The following GAS7 variants were observed in gnomAD, a reference collection of about 807,000 sequenced individuals.
GAS7 encodes the protein growth arrest specific 7.
In GAS7, 28 loss-of-function variants were observed where a neutral mutation model predicts 71.1. The observed-to-expected ratio is 0.39, with a 90% CI of 0.29 to 0.54. The LOEUF (loss-of-function observed/expected upper bound fraction) is 0.54. Ranked by LOEUF, GAS7 falls within the 20% of genes least tolerant of loss-of-function variation. The probability of loss-of-function intolerance (pLI) is 0.62; values close to 1 mark genes in which losing one functional copy is unlikely to be tolerated. For missense variants in GAS7, 436 were observed against 627.8 expected (o/e 0.69, Z 3.27); for synonymous variants, 258 against 245.8 (o/e 1.05, Z -0.46).
At chr17:10,194,213 A>G (rs2074523379) in intron 1 of GAS7, among the ~76,000 whole-genome samples, 1 of 152,232 alleles carries the variant, frequency 6.6e-6, no homozygotes, top group Non-Finnish European at 1.5e-5. Flanking sequence ...GGATTCTAAG[A>G]ATACCACCTA....
rs114409609 is a variant in GAS7, at chr17:9,927,675, C to T, written c.886-906G>A. ...CACTCAGCACAGTGACTGGGGTACGCGGCTTCAGTAAAGAACAGTCGAATG... is the reference window on the plus strand; with the variant it reads ...CACTCAGCACAGTGACTGGGGTACGTGGCTTCAGTAAAGAACAGTCGAATG... On this transcript the variant is annotated intron_variant, in intron 9 of 13. Transcript: ENST00000432992. Among the ~76,000 whole-genome samples the T allele has an allele frequency of 8.5e-3, 1,298 of 152,204 alleles. 20 individuals carry two copies. Among genetic ancestry groups the T allele is most frequent in the African/African-American group, 0.03 (1,242 of 41,530 alleles).
chr17:10,154,946 ACACACACAC>A (rs1434303774), intron 1 of GAS7, among the ~76,000 whole-genome samples: 13 of 151,380 alleles, frequency 8.6e-5, no homozygotes, highest in African/African-American at 2.4e-4. Flanking sequence ...ACACACACAC[ACACACACAC>A]AAAACCCATG....
Position 10,154,268 on chromosome 17 carries a change from G to C in GAS7, c.183+43940C>G, listed in dbSNP as rs2074188164. Among the ~76,000 whole-genome samples, 3 of 152,016 alleles carry C rather than the reference G, an allele frequency of 2.0e-5. No individual in the cohort carries two copies. The South Asian group carries it at 6.2e-4, about 32-fold the overall frequency. ...AATCCAGACAGTTTGGGAGGCCGAG[G>C]CAGGAGGATCACTTGAGCTCAGGAG... is the stretch of plus-strand genomic sequence containing the variant. On this transcript the variant is annotated intron_variant, in intron 1 of 13. Coordinates refer to ENST00000432992, the MANE Select transcript of GAS7 (RefSeq NM_201433.2).
chr17:9,998,632 A>C (rs1031196521), intron 2 of GAS7, among the ~76,000 whole-genome samples: 1 of 151,916 alleles, frequency 6.6e-6, no homozygotes, highest in Non-Finnish European at 1.5e-5. Context: ...ACAGAAAGAA[A>C]AAAAGGCAGA....
chr17:10,151,535 A>AC (rs2142108109), intron 1 of GAS7, among the ~76,000 whole-genome samples: 1 of 152,178 alleles, frequency 6.6e-6, no homozygotes, highest in East Asian at 1.9e-4. Context: ...CAATCTACGT[A>AC]CCTACCTACC....
chr17:10,131,360 C>T (rs574543468), intron 1 of GAS7, among the ~76,000 whole-genome samples: 1 of 152,296 alleles, frequency 6.6e-6, no homozygotes, highest in Middle Eastern at 3.4e-3. Context: ...TGGTGGCTCA[C>T]GCCTGTAATC....
intron 1 of GAS7, among the ~76,000 whole-genome samples, chr17:10,053,460 A>G (rs1185040784): frequency 6.6e-6 from 1 of 152,132 alleles, no homozygotes; most frequent in Non-Finnish European, 1.5e-5. Flanking sequence ...ATTTTAAAGA[A>G]CTGGCATATT....
At chr17:10,102,204 G>T (rs1294196125) in intron 1 of GAS7, among the ~76,000 whole-genome samples, 2 of 51,412 alleles carry the variant, frequency 3.9e-5, no homozygotes, top group African/African-American at 1.8e-4. Flanking sequence ...AAGAGTGCCC[G>T]TAAAAAAAAA....
intron 1 of GAS7, among the ~76,000 whole-genome samples, chr17:10,122,931 G>A (rs1277872958): frequency 6.6e-6 from 1 of 152,058 alleles, no homozygotes; most frequent in Non-Finnish European, 1.5e-5. Flanking sequence ...CCTGGGCTCT[G>A]AGCAATCCTC....
chr17:10,047,809 C>CA (rs2073001036), intron 1 of GAS7, among the ~76,000 whole-genome samples: 1 of 152,072 alleles, frequency 6.6e-6, no homozygotes, highest in Non-Finnish European at 1.5e-5. Flanking sequence ...ACATTTAAAT[C>CA]AGTGACTTGC....
intron 11 of GAS7, among the ~76,000 whole-genome samples, chr17:9,924,296 C>T (rs995349510): frequency 6.6e-6 from 1 of 152,138 alleles, no homozygotes; most frequent in African/African-American, 2.4e-5. Flanking sequence ...CCTTAGCCTC[C>T]TGAGTAGCTG....
chr17:9,983,309 G>A (rs973771146), intron 2 of GAS7, among the ~76,000 whole-genome samples: 3 of 152,066 alleles, frequency 2.0e-5, no homozygotes, highest in Non-Finnish European at 4.4e-5. Flanking sequence ...TGGGCAAGAT[G>A]GTGAAACCCC....
At position 9,921,224 on chromosome 17, in the gene GAS7, T is replaced by C. The variant is rs544403799; in HGVS notation, c.1139-1519A>G. On this transcript the variant is annotated intron_variant, in intron 11 of 13. Transcript: ENST00000432992. The stretch of plus-strand genomic sequence containing the variant: ...CAGGCTGGAGTGCAGTGGCGCAATC[T>C]CGGCTCACTGCAACCTCCACCTCCC... Among the ~76,000 whole-genome samples the C allele has an allele frequency of 5.3e-5, 8 of 150,006 alleles. No homozygotes were observed. In the South Asian group the frequency reaches 1.7e-3, roughly 32 times the overall value.
chr17:10,147,726 C>T (rs2074132352), intron 1 of GAS7, among the ~76,000 whole-genome samples: 1 of 152,114 alleles, frequency 6.6e-6, no homozygotes, highest in South Asian at 2.1e-4. Flanking sequence ...CTCTCTCATG[C>T]CAAAGATCCA....
intron 9 of GAS7, among the ~76,000 whole-genome samples, chr17:9,928,743 G>A (rs1225008507): frequency 6.6e-6 from 1 of 152,192 alleles, no homozygotes; most frequent in East Asian, 1.9e-4. Flanking sequence ...TGACTTACAC[G>A]GGGCTGGGAG....
At chr17:10,051,858 T>C (rs2073066914) in intron 1 of GAS7, among the ~76,000 whole-genome samples, 1 of 152,172 alleles carries the variant, frequency 6.6e-6, no homozygotes, top group South Asian at 2.1e-4. Context: ...TAAGTTTCCC[T>C]TTTTCCCCAG....
chr17:9,934,867 C>G (rs924751808), intron 8 of GAS7, among the ~76,000 whole-genome samples: 3 of 152,210 alleles, frequency 2.0e-5, no homozygotes, highest in Non-Finnish European at 4.4e-5. Flanking sequence ...TCCCGAGTAG[C>G]TGGGATTACA....
chr17:9,983,458 TCCAGCCTGGGTGACAGAGCAAGA>T (rs2070514103), intron 2 of GAS7, among the ~76,000 whole-genome samples: 1 of 152,040 alleles, frequency 6.6e-6, no homozygotes. Flanking sequence ...GCCACTACAC[TCCAGCCTGGGTGACAGAGCAAGA>T]CCCTGTCTCA....
chr17:9,962,890 G>A (rs1419884921), intron 4 of GAS7, among the ~76,000 whole-genome samples: 1 of 152,062 alleles, frequency 6.6e-6, no homozygotes, highest in Non-Finnish European at 1.5e-5. Flanking sequence ...CCCAAATGCA[G>A]TAAAAAGAAC....
Sources: gnomAD v4.1 joint callset for allele counts (sites outside exome capture counted in the v4.1 genomes callset) on GRCh38, gnomAD v4.1.1 for gene constraint, MANE v1.5 for transcripts, NCBI Gene and HGNC (gene_info 2026-07-23, HGNC 2026-07-21) for gene names.